The following NDRG4 variants were observed in gnomAD, a reference collection of about 807,000 sequenced individuals.
The protein encoded by NDRG4 is NDRG family member 4.
NDRG4 carries 38 observed loss-of-function variants against 55.8 expected under a neutral mutation model. The ratio of observed to expected loss-of-function variants is 0.68; its 90% CI spans 0.53 to 0.89. The LOEUF (loss-of-function observed/expected upper bound fraction) is 0.89. Among genes scored for constraint, NDRG4 ranks in the 40% least tolerant of loss-of-function variants. The probability of loss-of-function intolerance (pLI) is 0.00; values close to 1 mark genes in which losing one functional copy is unlikely to be tolerated. For synonymous variants in NDRG4, 190 were observed against 182.7 expected, an observed-to-expected ratio of 1.04 and a Z score of -0.32; for missense variants, 455 against 468.6, an observed-to-expected ratio of 0.97 and a Z score of 0.27.
Position 58,508,981 on chromosome 16 carries a change from T to G in NDRG4, c.749T>G (p.Leu250Arg). ...CCTCAGGTGGAGTGCAACTCCAAACTGGACCCGACCACTACGACCTTCCTG... is the reference window on the plus strand; with the variant it reads ...CCTCAGGTGGAGTGCAACTCCAAACGGGACCCGACCACTACGACCTTCCTG... ...EDGVVECNSK[L>R]DPTTTTFLKM... The change falls in exon 11 of 15, where the codon CTG (leucine) becomes CGG (arginine). Residue 250 changes from leucine to arginine, a missense_variant. Transcript: ENST00000570248. 6.2e-7 allele frequency: 1 copy of G among 1,614,066 alleles called. No homozygotes were observed.
chr16:58,482,383 G>T (rs1348913537), intron 1 of NDRG4, among the ~76,000 whole-genome samples: 1 of 152,080 alleles, frequency 6.6e-6, no homozygotes, highest in African/African-American at 2.4e-5. Flanking sequence ...TCCTCTGTCT[G>T]GCTTCTCCTG....
chr16:58,464,943 G>C lies in NDRG4; in HGVS notation c.-24+1146G>C, dbSNP rs549323541. The C allele has an allele frequency of 2.5e-6, 3 of 1,182,420 alleles. No homozygotes were observed. The Admixed American group carries it at 1.1e-4, about 43-fold the overall frequency. 73.2% of individuals were successfully genotyped at this position (1,182,420 alleles called of 1,614,324 possible). A position where few individuals can be genotyped will look rare whatever the true frequency, so the allele number is the denominator to read the frequency against. ...AAGTGGCCTGGGAAGTGGGAAGCCA[G>C]ATTGGACCCTACTGACTGGGGACCC... On this transcript the variant is annotated intron_variant, in intron 1 of 15. Transcript: ENST00000258187. The surrounding 1 kb of genome is among the most constrained non-coding windows in gnomAD (Gnocchi z 4.8).
At chr16:58,465,106 G>T in intron 1 of NDRG4, 1 of 1,286,954 alleles carries the variant, frequency 7.8e-7, no homozygotes, top group Non-Finnish European at 1.0e-6. Context: ...GGGAGGATTC[G>T]AGGAGTGACT....
chr16:58,481,067 G>T (rs2151632378), intron 1 of NDRG4, among the ~76,000 whole-genome samples: 1 of 151,648 alleles, frequency 6.6e-6, no homozygotes, highest in East Asian at 1.9e-4. Flanking sequence ...TCCAGACCTG[G>T]ACATCATGGG....
At chr16:58,492,549 T>A (rs867895986) in intron 2 of NDRG4, among the ~76,000 whole-genome samples, 9,621 of 73,876 alleles carry the variant, frequency 0.13, 1,159 homozygotes, top group African/African-American at 0.38. Flanking sequence ...TGTGTGTGTG[T>A]GTGAGAGACA....
At chr16:58,476,408 C>T (rs898245995) in intron 1 of NDRG4, among the ~76,000 whole-genome samples, 1 of 152,148 alleles carries the variant, frequency 6.6e-6, no homozygotes, top group Non-Finnish European at 1.5e-5. Flanking sequence ...TTGTAATGTC[C>T]GTGCTTAACA....
At position 58,481,233 on chromosome 16, in the gene NDRG4, G is replaced by A. The variant is rs191546559; in HGVS notation, c.-23-6523G>A. 2.0e-5 allele frequency among the ~76,000 whole-genome samples: 3 copies of A among 152,246 alleles called. No individual in the cohort carries two copies. In the East Asian group the frequency reaches 5.8e-4, roughly 29 times the overall value. ...CTAAATGAGCTTATACATGTAAAATGCCTGGAACATAGCATTCATTAATAT... is the reference window on the plus strand; with the variant it reads ...CTAAATGAGCTTATACATGTAAAATACCTGGAACATAGCATTCATTAATAT... On this transcript the variant is annotated intron_variant, in intron 1 of 15. Transcript: ENST00000258187.
At position 58,509,466 on chromosome 16, in the gene NDRG4, C is replaced by A. The variant is rs2038496808; in HGVS notation, c.865+114C>A. 4.5e-6 allele frequency: 5 copies of A among 1,117,236 alleles called. No individual in the cohort carries two copies. The South Asian group carries it at 5.6e-5, about 13-fold the overall frequency. 69.2% of individuals were successfully genotyped at this position (1,117,236 alleles called of 1,614,324 possible). ...CGTGGTGTCAGGTGGTAGTAGGGAG[C>A]CCATAAGCATAGGAGTTTTGTGTGA... On this transcript the variant is annotated intron_variant, in intron 13 of 14. Transcript: ENST00000570248.
In NDRG4 at chr16:58,507,972, G is replaced by C; in HGVS notation, c.702G>C (p.Gly234=). The C allele has an allele frequency of 2.5e-6, 4 of 1,597,172 alleles. No homozygotes were observed. Among genetic ancestry groups the C allele is most frequent in the Non-Finnish European group, 3.4e-6 (4 of 1,169,344 alleles). Residue 234 remains glycine, a synonymous_variant, in exon 10 of 15, where the codon GGG becomes GGC. Coordinates refer to ENST00000570248, the MANE Select transcript of NDRG4 (RefSeq NM_001242835.2). The part of the protein sequence containing the change: ...TLRCPVMLVV[G]DNAPAEDGVV... ...GCTGCCCCGTGATGCTGGTGGTTGG[G>C]GATAATGCACCCGCTGAGGACGGGG...
At position 58,464,416 on chromosome 16, in the gene NDRG4, GCGC is replaced by G. The variant is rs1407154542; in HGVS notation, c.-24+622_-24+624del. The G allele has an allele frequency of 5.1e-6, 7 of 1,366,288 alleles. No individual in the cohort carries two copies. The highest frequency in any genetic ancestry group is 5.6e-6 in the Non-Finnish European group (6 of 1,062,594). The allele number at this position is 1,366,288 out of a possible 1,614,324, so 84.6% of individuals were successfully genotyped here. A position where few individuals can be genotyped will look rare whatever the true frequency, so the allele number is the denominator to read the frequency against. On this transcript the variant is annotated intron_variant, in intron 1 of 15. Coordinates refer to the NDRG4 transcript ENST00000258187. This position sits in a 1 kb window ranked among gnomAD's most constrained non-coding sequence, Gnocchi z 4.8. ...CGACGCCGCCACCCAGAGCCGGGCC[GCGC>G]CGGGCGCCGAGATGAAGGTGCTGGG...
chr16:58,513,156 T>C lies in NDRG4; in HGVS notation c.*1580T>C, dbSNP rs901869524. 5.5e-5 allele frequency: 7 copies of C among 126,524 alleles called. No homozygotes were observed. In the East Asian group the frequency reaches 1.5e-3, roughly 27 times the overall value. 7.8% of individuals were successfully genotyped at this position (126,524 alleles called of 1,614,324 possible). A position where few individuals can be genotyped will look rare whatever the true frequency, so the allele number is the denominator to read the frequency against. ...CTGTTTCCAGATGTATCTATAAATA[T>C]CTATACATTATATGTGTGTGTGTGT... is the stretch of plus-strand genomic sequence containing the variant. On this transcript the variant is annotated 3_prime_UTR_variant, in exon 15 of 15. Coordinates refer to ENST00000570248, the MANE Select transcript of NDRG4 (RefSeq NM_001242835.2).
intron 2 of NDRG4, among the ~76,000 whole-genome samples, chr16:58,491,295 C>T (rs1330712572): frequency 6.6e-6 from 1 of 151,928 alleles, no homozygotes; most frequent in Non-Finnish European, 1.5e-5. Flanking sequence ...AAAGCCCCAC[C>T]CCACACCCGA....
chr16:58,470,176 A>G (rs1338280389), intron 1 of NDRG4, among the ~76,000 whole-genome samples: 1 of 152,226 alleles, frequency 6.6e-6, no homozygotes, highest in African/African-American at 2.4e-5. Flanking sequence ...AGAAATTCAA[A>G]TTCTGTTTTT....
chr16:58,471,173 T>A, intron 1 of NDRG4, among the ~76,000 whole-genome samples: 1 of 145,142 alleles, frequency 6.9e-6, no homozygotes, highest in African/African-American at 2.6e-5. Context: ...TATAAGAGAA[T>A]GAATGTGTGT....
chr16:58,504,074 T>C, intron 2 of NDRG4, 80 bp from the exon 3 acceptor site: 5 of 1,600,832 alleles, frequency 3.1e-6, no homozygotes, highest in Non-Finnish European at 4.3e-6. Context: ...ACTTCTGCCT[T>C]GCCTGCCCTC....
chr16:58,502,175 A>G, intron 1 of NDRG4: 2 of 381,718 alleles, frequency 5.2e-6, no homozygotes, highest in Non-Finnish European at 1.1e-5. Context: ...CCTAGCCTCA[A>G]TTTCCTCCTC....
chr16:58,510,968 GGCCCTGCCTGA>G, intron 14 of NDRG4: 1 of 548,752 alleles, frequency 1.8e-6, no homozygotes, highest in Middle Eastern at 4.8e-4. Context: ...GCCCAGGCCT[GGCCCTGCCTGA>G]GCCACATAGG....
chr16:58,482,193 T>C (rs1197894404), intron 1 of NDRG4, among the ~76,000 whole-genome samples: 1 of 152,188 alleles, frequency 6.6e-6, no homozygotes, highest in Non-Finnish European at 1.5e-5. Context: ...CATTTGCCTG[T>C]GGCATTTCTC....
upstream of NDRG4, chr16:58,496,929 A>G (rs56046033): frequency 0.23 from 34,675 of 152,188 alleles, 4,640 homozygotes; most frequent in Middle Eastern, 0.32. Flanking sequence ...AGCAGCACAT[A>G]TACCAAAATT....
Sources: allele counts gnomAD v4.1 joint callset (sites outside exome capture counted in the v4.1 genomes callset), GRCh38; gene constraint gnomAD v4.1.1; non-coding constraint Gnocchi (gnomAD v3.1); transcripts MANE v1.5; gene names NCBI Gene and HGNC (gene_info 2026-07-23, HGNC 2026-07-21).